The following TOX variants were observed in gnomAD, a reference collection of about 807,000 sequenced individuals.
TOX encodes thymocyte selection associated high mobility group box.
A neutral mutation model predicts 53.7 loss-of-function variants in TOX; 11 were observed. The ratio of observed to expected loss-of-function variants is 0.20; its 90% CI spans 0.13 to 0.34. The LOEUF is 0.34. Ranked by LOEUF, TOX falls within the 10% of genes least tolerant of loss-of-function variation. The pLI is 1.00. For synonymous variants in TOX, 225 were observed against 245.3 expected, an observed-to-expected ratio of 0.92 and a Z score of 0.77; for missense variants, 570 against 664.6, an observed-to-expected ratio of 0.86 and a Z score of 1.56.
chr8:58,909,620 T>A (rs1811875582), intron 3 of TOX, among the ~76,000 whole-genome samples: 1 of 152,084 alleles, frequency 6.6e-6, no homozygotes, highest in Admixed American at 6.5e-5. Flanking sequence ...AAATTTAATG[T>A]TTGAGAAGCA....
chr8:58,976,555 C>G (rs1813104179), intron 1 of TOX, among the ~76,000 whole-genome samples: 1 of 152,206 alleles, frequency 6.6e-6, no homozygotes, highest in Non-Finnish European at 1.5e-5. Flanking sequence ...CATGAATCAT[C>G]ATGAATGTTC....
In TOX at chr8:58,807,622, T is replaced by C. The variant is rs182404103; in HGVS notation, c.*125A>G. ...AGAGTGGGTGACCCACAAGCTCAAA[T>C]GGTCCTAAGTGCTTAGCAACTTGTA... On this transcript the variant is annotated 3_prime_UTR_variant, in exon 9 of 9. Coordinates refer to ENST00000361421, the MANE Select transcript of TOX (RefSeq NM_014729.3). 339 of 997,524 alleles carry C rather than the reference T, an allele frequency of 3.4e-4. No individual in the cohort carries two copies. The highest frequency in any genetic ancestry group is 3.3e-4 in the Admixed American group (14 of 42,220). 61.8% of individuals were successfully genotyped at this position (997,524 alleles called of 1,614,324 possible).
chr8:58,891,571 C>T (rs749616995), intron 3 of TOX, among the ~76,000 whole-genome samples: 6 of 152,076 alleles, frequency 3.9e-5, no homozygotes, highest in East Asian at 1.9e-4. Context: ...CTTGTAATCA[C>T]GCCACCCGAC....
At chr8:59,093,062 G>A (rs149885710) in intron 1 of TOX, among the ~76,000 whole-genome samples, 31 of 152,332 alleles carry the variant, frequency 2.0e-4, no homozygotes, top group Non-Finnish European at 4.0e-4. Flanking sequence ...GGCTATATCT[G>A]AACTCAGCAA....
At chr8:59,005,755 C>G in intron 1 of TOX, among the ~76,000 whole-genome samples, 1 of 152,164 alleles carries the variant, frequency 6.6e-6, no homozygotes, top group East Asian at 1.9e-4. Context: ...GGAACTGAAA[C>G]ACAGTGTCTT....
chr8:58,984,782 C>CAAAAA (rs11364474), intron 1 of TOX, among the ~76,000 whole-genome samples: 11 of 77,366 alleles, frequency 1.4e-4, no homozygotes, highest in East Asian at 3.9e-4. Context: ...GACTCCGTCT[C>CAAAAA]AAAAAAAAAA....
At position 58,826,945 on chromosome 8, in the gene TOX, C is replaced by A. The variant is rs754039960; in HGVS notation, c.925-43G>T. 13 of 1,569,402 alleles carry A rather than the reference C, an allele frequency of 8.3e-6. No homozygotes were observed. In the Admixed American group the frequency reaches 2.1e-4, roughly 26 times the overall value. ...AGTCTTAAATTAGAAAGTGCATTTG[C>A]TTTTGTTTTCAGAGAAGTACAATAT... On this transcript the variant is annotated intron_variant, in intron 5 of 8. Coordinates refer to ENST00000361421, the MANE Select transcript of TOX (RefSeq NM_014729.3).
intron 3 of TOX, among the ~76,000 whole-genome samples, chr8:58,869,225 C>CA (rs59540993): frequency 0.26 from 23,748 of 90,454 alleles, 3,058 homozygotes; most frequent in South Asian, 0.31. Context: ...GACTGCGTCT[C>CA]AAAAAAAAAA....
At chr8:59,047,448 C>T (rs1268348584) in intron 1 of TOX, among the ~76,000 whole-genome samples, 9 of 151,332 alleles carry the variant, frequency 5.9e-5, no homozygotes, top group African/African-American at 2.2e-4. Flanking sequence ...AGGATGGTCT[C>T]GATCTCCTGA....
intron 1 of TOX, among the ~76,000 whole-genome samples, chr8:59,104,999 C>A (rs903940355): frequency 6.6e-6 from 1 of 152,134 alleles, no homozygotes; most frequent in South Asian, 2.1e-4. Flanking sequence ...CCTCCCTGAC[C>A]CCCTTAACAC....
At chr8:58,910,019 C>T (rs1401377092) in intron 3 of TOX, among the ~76,000 whole-genome samples, 3 of 152,020 alleles carry the variant, frequency 2.0e-5, no homozygotes, top group Admixed American at 2.0e-4. Flanking sequence ...CATGTTTCTA[C>T]CACATAATAT....
chr8:59,108,426 T>C (rs1251841385), intron 1 of TOX, among the ~76,000 whole-genome samples: 1 of 152,172 alleles, frequency 6.6e-6, no homozygotes, highest in Non-Finnish European at 1.5e-5. Context: ...CTACAAACAA[T>C]GGCACTGGAG....
chr8:58,964,210 T>C (rs1812851796), intron 1 of TOX, among the ~76,000 whole-genome samples: 1 of 152,216 alleles, frequency 6.6e-6, no homozygotes, highest in African/African-American at 2.4e-5. Context: ...ATATAAAACA[T>C]ATAGACTGGT....
At chr8:58,947,954 G>A (rs374456276) in intron 2 of TOX, among the ~76,000 whole-genome samples, 13 of 152,202 alleles carry the variant, frequency 8.5e-5, no homozygotes, top group African/African-American at 3.1e-4. Context: ...ATAAGGTCAA[G>A]GGCAAGACTG....
intron 6 of TOX, among the ~76,000 whole-genome samples, chr8:58,824,546 C>T (rs1004696201): frequency 6.6e-6 from 1 of 152,196 alleles, no homozygotes; most frequent in African/African-American, 2.4e-5. Flanking sequence ...GTAGCACTGC[C>T]TGGCCAGCTC....
chr8:58,942,026 G>A (rs1242220426), intron 2 of TOX, among the ~76,000 whole-genome samples: 2 of 148,582 alleles, frequency 1.3e-5, no homozygotes, highest in African/African-American at 5.0e-5. Flanking sequence ...ACACTCCAGC[G>A]TGGGGTGACA....
At chr8:58,855,142 CACTG>C (rs909965587) in intron 3 of TOX, among the ~76,000 whole-genome samples, 1 of 152,146 alleles carries the variant, frequency 6.6e-6, no homozygotes, top group Non-Finnish European at 1.5e-5. Context: ...TCAACCCCTT[CACTG>C]ACTTCTCTTT....
chr8:58,850,545 T>G (rs1810794496), intron 4 of TOX, among the ~76,000 whole-genome samples: 1 of 152,142 alleles, frequency 6.6e-6, no homozygotes, highest in African/African-American at 2.4e-5. Context: ...TGGCTTCATA[T>G]GTGAGAGTTT....
chr8:59,050,920 C>G (rs571015870), intron 1 of TOX, among the ~76,000 whole-genome samples: 1 of 152,216 alleles, frequency 6.6e-6, no homozygotes, highest in Non-Finnish European at 1.5e-5. Flanking sequence ...CTTTGAAGAT[C>G]AATTATTCAT....
Sources: allele counts gnomAD v4.1 joint callset (sites outside exome capture counted in the v4.1 genomes callset), GRCh38; gene constraint gnomAD v4.1.1; transcripts MANE v1.5; gene names NCBI Gene and HGNC (gene_info 2026-07-23, HGNC 2026-07-21).